Variants in DPY19L1 observed in about 807,000 individuals in gnomAD.
The protein encoded by DPY19L1 is dpy-19 like C-mannosyltransferase 1, also known as protein C-mannosyl-transferase DPY19L1.
A neutral mutation model predicts 96.9 loss-of-function variants in DPY19L1; 35 were observed. The observed-to-expected ratio is 0.36, with a 90% CI of 0.28 to 0.48. The LOEUF is 0.48. Ranked by LOEUF, DPY19L1 falls within the 20% of genes least tolerant of loss-of-function variation. DPY19L1 has a pLI of 0.99. For synonymous variants in DPY19L1, 205 were observed against 252.6 expected, an observed-to-expected ratio of 0.81 and a Z score of 1.79; for missense variants, 521 against 777.9, an observed-to-expected ratio of 0.67 and a Z score of 3.93.
At chr7:34,980,401 A>G (rs1324619272) in intron 7 of DPY19L1, among the ~76,000 whole-genome samples, 1 of 152,172 alleles carries the variant, frequency 6.6e-6, no homozygotes, top group African/African-American at 2.4e-5. Context: ...AAAGGACTCA[A>G]CATAAGAGAC....
intron 11 of DPY19L1, among the ~76,000 whole-genome samples, chr7:34,956,218 T>C (rs1224188426): frequency 6.6e-6 from 1 of 152,228 alleles, no homozygotes; most frequent in Non-Finnish European, 1.5e-5. Context: ...ATGGTTTCCC[T>C]GTCCATAGTA....
chr7:34,969,782 T>C (rs2303584), intron 8 of DPY19L1, among the ~76,000 whole-genome samples: 1 of 152,180 alleles, frequency 6.6e-6, no homozygotes, highest in East Asian at 1.9e-4. Flanking sequence ...TCCATGAACA[T>C]TTTTTTCAAA....
intron 21 of DPY19L1, among the ~76,000 whole-genome samples, chr7:34,932,880 G>GAAA (rs1783785738): frequency 6.6e-6 from 1 of 152,002 alleles, no homozygotes. Context: ...TTAAATAAGA[G>GAAA]AAAAAAATTC....
chr7:34,932,761 G>A (rs1191064023), intron 21 of DPY19L1, among the ~76,000 whole-genome samples: 7 of 152,072 alleles, frequency 4.6e-5, no homozygotes, highest in African/African-American at 1.7e-4. Context: ...TATAACTGTT[G>A]GATGCTGCTA....
chr7:35,029,306 AT>A (rs1316393958), intron 1 of DPY19L1, among the ~76,000 whole-genome samples: 1 of 152,228 alleles, frequency 6.6e-6, no homozygotes, highest in Non-Finnish European at 1.5e-5. Context: ...GCTAGATAAG[AT>A]ACACAACCAA....
chr7:34,960,137 T>C (rs1172293119), intron 10 of DPY19L1, among the ~76,000 whole-genome samples: 1 of 151,424 alleles, frequency 6.6e-6, no homozygotes, highest in East Asian at 1.9e-4. Flanking sequence ...TAATCCATAT[T>C]CTAGAAGTTT....
intron 6 of DPY19L1, chr7:35,000,702 C>T (rs1247248030): frequency 2.6e-5 from 4 of 152,138 alleles, no homozygotes; most frequent in Admixed American, 6.5e-5. Context: ...CAGAATCCTT[C>T]GGAAATGAAT....
intron 6 of DPY19L1, among the ~76,000 whole-genome samples, chr7:34,997,715 G>A (rs328925): frequency 0.27 from 41,499 of 151,320 alleles, 5,793 homozygotes; most frequent in Non-Finnish European, 0.31. Context: ...TGTATAAGCA[G>A]CAAATGCTTG....
chr7:34,998,736 T>G (rs1785353133), intron 6 of DPY19L1, among the ~76,000 whole-genome samples: 2 of 152,238 alleles, frequency 1.3e-5, no homozygotes, highest in Non-Finnish European at 2.9e-5. Context: ...CCATCCACTT[T>G]GCAATCTTCC....
Position 34,987,444 on chromosome 7 carries a change from G to T in DPY19L1, c.822+2440C>A, listed in dbSNP as rs1785074596. On this transcript the variant is annotated intron_variant, in intron 7 of 21. Coordinates refer to ENST00000638088, the MANE Select transcript of DPY19L1 (RefSeq NM_001366673.1). ...ACACATTTTATAAATAATTTGTTCA[G>T]GCAAAAATTTTCCCTTATAAAACCA... Among the ~76,000 whole-genome samples, 3 of 151,868 alleles carry T rather than the reference G, an allele frequency of 2.0e-5. No individual in the cohort carries two copies. The South Asian group carries it at 6.2e-4, about 32-fold the overall frequency.
rs1786264637 is a variant in DPY19L1, at chr7:35,031,709, ATAAAC to A, written c.298+5383_298+5387del. Among the ~76,000 whole-genome samples the A allele has an allele frequency of 2.6e-5, 4 of 152,352 alleles. No individual in the cohort carries two copies. In the South Asian group the frequency reaches 8.3e-4, roughly 32 times the overall value. On this transcript the variant is annotated intron_variant, in intron 1 of 21. Coordinates refer to ENST00000638088, the MANE Select transcript of DPY19L1 (RefSeq NM_001366673.1). ...ATAGATAACATATGCTTATATTTACATAAACTAAACTTATCAAATTTGTTATTTGG... is the reference window on the plus strand; with the variant it reads ...ATAGATAACATATGCTTATATTTACATAAACTTATCAAATTTGTTATTTGG...
In DPY19L1 at chr7:34,955,490, T is replaced by G. The variant is rs2128786071; in HGVS notation, c.1180-123A>C. 3 of 1,240,468 alleles carry G rather than the reference T, an allele frequency of 2.4e-6. No individual in the cohort carries two copies. The South Asian group carries it at 4.4e-5, about 18-fold the overall frequency. The allele number at this position is 1,240,468 out of a possible 1,614,324, so 76.8% of individuals were successfully genotyped here. ...CTAAAATTTAGCACATGGTTGACTTTCCACATACCATCCACATGCTCATTT... is the reference window on the plus strand; with the variant it reads ...CTAAAATTTAGCACATGGTTGACTTGCCACATACCATCCACATGCTCATTT... On this transcript the variant is annotated intron_variant, in intron 11 of 21. Coordinates refer to ENST00000638088, the MANE Select transcript of DPY19L1 (RefSeq NM_001366673.1).
At chr7:35,026,881 G>C (rs1390009124) in intron 1 of DPY19L1, among the ~76,000 whole-genome samples, 1 of 152,148 alleles carries the variant, frequency 6.6e-6, no homozygotes, top group Non-Finnish European at 1.5e-5. Flanking sequence ...GCCTCTCAGA[G>C]TCTCATTTTC....
In DPY19L1 at chr7:34,997,331, G is replaced by T. The variant is rs542057158; in HGVS notation, c.765-7390C>A. 1.3e-5 allele frequency among the ~76,000 whole-genome samples: 2 copies of T among 148,972 alleles called. 1 individual carries two copies. Among genetic ancestry groups the T allele is most frequent in the African/African-American group, 5.0e-5 (2 of 40,396 alleles). On this transcript the variant is annotated intron_variant, in intron 6 of 21. Coordinates refer to ENST00000638088, the MANE Select transcript of DPY19L1 (RefSeq NM_001366673.1). ...AAAAAGGCCAGGCACAGTGGCTCACGCCTGTAATCCCAGCACTTTGGGAGG... is the reference window on the plus strand; with the variant it reads ...AAAAAGGCCAGGCACAGTGGCTCACTCCTGTAATCCCAGCACTTTGGGAGG...
chr7:34,974,339 C>T (rs965431010), intron 7 of DPY19L1, among the ~76,000 whole-genome samples: 1 of 152,148 alleles, frequency 6.6e-6, no homozygotes, highest in African/African-American at 2.4e-5. Context: ...TTAAGTCACA[C>T]TAAAATAATG....
chr7:35,019,033 C>T (rs1459757991), intron 1 of DPY19L1, among the ~76,000 whole-genome samples: 2 of 151,946 alleles, frequency 1.3e-5, no homozygotes, highest in Non-Finnish European at 2.9e-5. Context: ...AATATTAACC[C>T]GTGTCTTTAA....
intron 7 of DPY19L1, among the ~76,000 whole-genome samples, chr7:34,978,528 T>C (rs1042539525): frequency 6.6e-6 from 1 of 152,126 alleles, no homozygotes; most frequent in Non-Finnish European, 1.5e-5. Flanking sequence ...TTAAGAGACA[T>C]GGCTTGAGTA....
At position 34,938,170 on chromosome 7, in the gene DPY19L1, A is replaced by G. The variant is rs141455931; in HGVS notation, c.1965-51T>C. 325 of 1,561,268 alleles carry G rather than the reference A, an allele frequency of 2.1e-4. 2 individuals are homozygous for G. In the East Asian group the frequency reaches 6.5e-3, roughly 31 times the overall value. On this transcript the variant is annotated intron_variant, in intron 20 of 21. Coordinates refer to ENST00000638088, the MANE Select transcript of DPY19L1 (RefSeq NM_001366673.1). ...AAATTTTCAAGACTAAAACGATACAATAACACATTTGGAAGAAAGCACTGA... is the reference window on the plus strand; with the variant it reads ...AAATTTTCAAGACTAAAACGATACAGTAACACATTTGGAAGAAAGCACTGA...
Position 34,931,344 on chromosome 7 carries a change from A to T in DPY19L1, c.*229T>A. Reference sequence around the variant, plus strand: ...AAATATTAAAGTCAAGTACAAGCATATACTCATTTGCATAGCAAATTTTAA... The same window carrying T: ...AAATATTAAAGTCAAGTACAAGCATTTACTCATTTGCATAGCAAATTTTAA... On this transcript the variant is annotated 3_prime_UTR_variant, in exon 22 of 22. Transcript: ENST00000638088. The T allele has an allele frequency of 2.3e-6, 1 of 444,020 alleles. No homozygotes were observed. Among genetic ancestry groups the T allele is most frequent in the Non-Finnish European group, 3.7e-6 (1 of 268,070 alleles). The allele number at this position is 444,020 out of a possible 1,614,324, so 27.5% of individuals were successfully genotyped here.
Sources: gnomAD v4.1 joint callset for allele counts (sites outside exome capture counted in the v4.1 genomes callset) on GRCh38, gnomAD v4.1.1 for gene constraint, MANE v1.5 for transcripts, NCBI Gene and HGNC (gene_info 2026-07-23, HGNC 2026-07-21) for gene names.